RASAL2: variants seen among roughly 807,000 people sequenced by gnomAD.
RASAL2 encodes the protein ras GTPase-activating protein nGAP.
Under a neutral mutation model 128.9 loss-of-function variants are expected in RASAL2, and 58 were observed. The observed-to-expected ratio is 0.45, with a 90% confidence interval of 0.36 to 0.56. The LOEUF (loss-of-function observed/expected upper bound fraction) is 0.56, where lower values mean the gene tolerates loss of function less well. Ranked by LOEUF, RASAL2 falls within the 20% of genes least tolerant of loss-of-function variation. RASAL2 has a pLI of 0.00. For synonymous variants in RASAL2, 561 were observed against 580.8 expected, an observed-to-expected ratio of 0.97 and a Z score of 0.49; for missense variants, 1,360 against 1,601.6, an observed-to-expected ratio of 0.85 and a Z score of 2.57.
intron 1 of RASAL2, among the ~76,000 whole-genome samples, chr1:178,250,799 C>T (rs1392940529): frequency 3.3e-5 from 5 of 152,110 alleles, no homozygotes; most frequent in Non-Finnish European, 5.9e-5. Context: ...TATGTGTGTC[C>T]TTACACTGTG....
At chr1:178,228,348 G>A (rs1001568091) in intron 1 of RASAL2, among the ~76,000 whole-genome samples, 9 of 152,124 alleles carry the variant, frequency 5.9e-5, no homozygotes, top group Non-Finnish European at 1.3e-4. Context: ...TTAGGACGCC[G>A]AGGCAGGTGG....
intron 1 of RASAL2, among the ~76,000 whole-genome samples, chr1:178,229,490 T>A (rs886123685): frequency 5.9e-5 from 9 of 151,924 alleles, no homozygotes; most frequent in Non-Finnish European, 1.2e-4. Flanking sequence ...TTTTTTTTTT[T>A]ATTGGGAGGG....
intron 3 of RASAL2, among the ~76,000 whole-genome samples, chr1:178,335,497 A>G (rs1669540531): frequency 6.6e-6 from 1 of 152,180 alleles, no homozygotes; most frequent in African/African-American, 2.4e-5. Flanking sequence ...GCTGATACTG[A>G]GAATATGTTC....
intron 4 of RASAL2, among the ~76,000 whole-genome samples, chr1:178,391,002 A>G (rs1386972633): frequency 6.6e-6 from 1 of 152,184 alleles, no homozygotes; most frequent in African/African-American, 2.4e-5. Flanking sequence ...TAATCCTAAG[A>G]CTTGGTCTGC....
intron 3 of RASAL2, among the ~76,000 whole-genome samples, chr1:178,381,455 CTTTCTTTT>C (rs1288589593): frequency 1.3e-3 from 204 of 152,208 alleles, no homozygotes; most frequent in African/African-American, 4.7e-3. Context: ...TCATAGGCTC[CTTTCTTTT>C]TTATTACCTT....
chr1:178,354,081 G>A (rs1235114108), intron 3 of RASAL2, among the ~76,000 whole-genome samples: 1 of 151,942 alleles, frequency 6.6e-6, no homozygotes, highest in South Asian at 2.1e-4. Flanking sequence ...CATCATGAAA[G>A]GACAATTACA....
chr1:178,446,614 C>A (rs1254892031), intron 9 of RASAL2, among the ~76,000 whole-genome samples: 1 of 152,112 alleles, frequency 6.6e-6, no homozygotes, highest in African/African-American at 2.4e-5. Flanking sequence ...CAAGCCATTT[C>A]TAATGCTCAA....
At chr1:178,263,035 G>C (rs192244966) in intron 1 of RASAL2, among the ~76,000 whole-genome samples, 101 of 152,158 alleles carry the variant, frequency 6.6e-4, no homozygotes, top group South Asian at 1.5e-3. Flanking sequence ...CTGTCTGATG[G>C]TATCAGATGG....
At chr1:178,208,644 C>T (rs1017422524) in intron 1 of RASAL2, among the ~76,000 whole-genome samples, 9 of 152,182 alleles carry the variant, frequency 5.9e-5, no homozygotes, top group African/African-American at 2.2e-4. Flanking sequence ...GGACCCTTAT[C>T]AGTAGTTCTG....
intron 1 of RASAL2, among the ~76,000 whole-genome samples, chr1:178,216,257 ACT>A (rs974343877): frequency 6.6e-6 from 1 of 152,306 alleles, no homozygotes; most frequent in African/African-American, 2.4e-5. Context: ...ATGAAAATCC[ACT>A]GTTTGTGAGA....
At chr1:178,205,929 C>T (rs1028234766) in intron 1 of RASAL2, among the ~76,000 whole-genome samples, 1 of 152,152 alleles carries the variant, frequency 6.6e-6, no homozygotes, top group Non-Finnish European at 1.5e-5. Flanking sequence ...CAACTTTTAA[C>T]TCCACAACAT....
intron 1 of RASAL2, among the ~76,000 whole-genome samples, chr1:178,132,966 T>C (rs1018449647): frequency 1.3e-5 from 2 of 152,042 alleles, no homozygotes; most frequent in African/African-American, 2.4e-5. Flanking sequence ...ACAGAGTCCA[T>C]GTCAGCCAGG....
chr1:178,428,088 A>G (rs1675641609), intron 5 of RASAL2, among the ~76,000 whole-genome samples: 1 of 151,500 alleles, frequency 6.6e-6, no homozygotes, highest in Admixed American at 6.6e-5. Context: ...AGGTCCATCC[A>G]AATTGTTACA....
chr1:178,114,024 AC>A (rs1659437692), intron 1 of RASAL2, among the ~76,000 whole-genome samples: 1 of 151,582 alleles, frequency 6.6e-6, no homozygotes, highest in Non-Finnish European at 1.5e-5. Flanking sequence ...TTTATCTTGT[AC>A]CCTGCAACCT....
At chr1:178,166,175 A>G (rs1230602327) in intron 1 of RASAL2, among the ~76,000 whole-genome samples, 1 of 152,152 alleles carries the variant, frequency 6.6e-6, no homozygotes, top group Non-Finnish European at 1.5e-5. Context: ...TTTAAAATGG[A>G]TTGTGTGTTT....
intron 1 of RASAL2, among the ~76,000 whole-genome samples, chr1:178,160,455 C>G (rs1661241183): frequency 6.6e-6 from 1 of 151,974 alleles, no homozygotes; most frequent in Admixed American, 6.6e-5. Context: ...GCCAACATGG[C>G]AAAACCCAGT....
chr1:178,350,836 G>A (rs1368241148), intron 3 of RASAL2, among the ~76,000 whole-genome samples: 2 of 152,126 alleles, frequency 1.3e-5, no homozygotes, highest in Non-Finnish European at 2.9e-5. Flanking sequence ...TCTTACTCTG[G>A]TTGGATGTAT....
intron 1 of RASAL2, among the ~76,000 whole-genome samples, chr1:178,126,510 A>G (rs1659905682): frequency 6.6e-6 from 1 of 152,238 alleles, no homozygotes; most frequent in African/African-American, 2.4e-5. Flanking sequence ...AGTAAGATTT[A>G]AAGAAACACC....
intron 4 of RASAL2, among the ~76,000 whole-genome samples, chr1:178,395,018 A>C (rs1302156253): frequency 1.3e-5 from 2 of 152,180 alleles, no homozygotes; most frequent in African/African-American, 4.8e-5. Flanking sequence ...CCTCTATAAG[A>C]TCCTATGTAA....
Sources: allele counts gnomAD v4.1 joint callset (sites outside exome capture counted in the v4.1 genomes callset), GRCh38; gene constraint gnomAD v4.1.1; transcripts MANE v1.5; gene names NCBI Gene and HGNC (gene_info 2026-07-23, HGNC 2026-07-21).